HNF1A: variants seen among roughly 807,000 people sequenced by gnomAD.
HNF1A encodes the protein hepatocyte nuclear factor 1-alpha.
Under a neutral mutation model 62.2 loss-of-function variants are expected in HNF1A, and 21 were observed. The observed-to-expected ratio is 0.34, with a 90% confidence interval of 0.24 to 0.49. The LOEUF is 0.49. HNF1A is among the 20% of genes least tolerant of loss of function. HNF1A has a pLI of 0.99. For synonymous variants in HNF1A, 374 were observed against 366.8 expected, an observed-to-expected ratio of 1.02 and a Z score of -0.22; for missense variants, 687 against 832.3, an observed-to-expected ratio of 0.83 and a Z score of 2.15.
Position 120,979,027 on chromosome 12 carries a change from A to C in HNF1A, c.259A>C (p.Lys87Gln). 1 of 1,611,482 alleles carries C rather than the reference A, an allele frequency of 6.2e-7. No homozygotes were observed. The change falls in exon 1 of 10, where the codon AAA becomes CAA. Residue 87 changes from lysine to glutamine, a missense_variant. Coordinates refer to ENST00000257555, the MANE Select transcript of HNF1A (RefSeq NM_000545.8). ...DGEDFTPPIL[K>Q]ELENLSPEEA... is the part of the protein sequence containing the mutation. Reference sequence around the variant, plus strand: ...GGAAGACTTCACGCCACCCATCCTCAAAGAGCTGGAGAACCTCAGCCCTGA... The same window carrying C: ...GGAAGACTTCACGCCACCCATCCTCCAAGAGCTGGAGAACCTCAGCCCTGA...
chr12:120,990,602 GAA>G lies in HNF1A; in HGVS notation c.526+1572_526+1573del, dbSNP rs1392323892. ...AAAAGAAAGAAAGGAAAGATGATAG[GAA>G]AGGGAGGAAAGATAGGAAAGGGAGG... On this transcript the variant is annotated intron_variant, in intron 2 of 9. Transcript: ENST00000257555. Among the ~76,000 whole-genome samples, 7 of 124,650 alleles carry G rather than the reference GAA, an allele frequency of 5.6e-5. No homozygotes were observed. In the South Asian group the frequency reaches 1.1e-3, roughly 20 times the overall value. 81.8% of individuals were successfully genotyped at this position (124,650 alleles called of 152,430 possible).
At chr12:120,995,441 T>C (rs1388853405) in intron 4 of HNF1A, among the ~76,000 whole-genome samples, 9 of 151,928 alleles carry the variant, frequency 5.9e-5, no homozygotes, top group Admixed American at 5.9e-4. Context: ...CTACATACCA[T>C]TTTATTCTAT....
At chr12:120,993,821 T>C in intron 3 of HNF1A, 115 bp downstream of exon 3, 2 of 1,132,388 alleles carry the variant, frequency 1.8e-6, no homozygotes, top group South Asian at 1.5e-5. Flanking sequence ...GAACTCCTGA[T>C]ATTGGCTTAG....
At position 120,997,675 on chromosome 12, in the gene HNF1A, C is replaced by T. The variant is rs1403668650; in HGVS notation, c.1501+10C>T. ...CTGCAGAGCCCCCACGGTGAGCGCC[C>T]TGTGCCCCACACAGCAGGAGATGAT... On this transcript the variant is annotated intron_variant, in intron 7 of 9. Transcript: ENST00000257555. 2 of 1,604,150 alleles carry T rather than the reference C, an allele frequency of 1.2e-6. No individual in the cohort carries two copies.
intron 9 of HNF1A, 191 bp from the exon 10 acceptor site, chr12:121,000,874 C>T (rs910575685): frequency 2.8e-5 from 20 of 701,786 alleles, no homozygotes; most frequent in Non-Finnish European, 1.7e-5. Context: ...ACTCCATGGG[C>T]GGCCGTGGAC....
At chr12:120,997,124 A>G in intron 6 of HNF1A, 1 of 1,400,394 alleles carries the variant, frequency 7.1e-7, no homozygotes, top group Non-Finnish European at 9.3e-7. Context: ...CCAGTACATA[A>G]GATAGATAAG....
At chr12:120,989,122 C>T (rs1455651140) in intron 2 of HNF1A, 90 bp downstream of exon 2, 5 of 1,217,936 alleles carry the variant, frequency 4.1e-6, no homozygotes, top group African/African-American at 1.5e-5. Context: ...TCACCATCCC[C>T]ATTACACAGA....
At chr12:120,994,528 C>T in intron 4 of HNF1A, 123 bp downstream of exon 4, 1 of 1,038,964 alleles carries the variant, frequency 9.6e-7, no homozygotes, top group East Asian at 2.6e-5. Context: ...ATTCATGCCA[C>T]TCCTTATCAC....
rs568123980 is a variant in HNF1A at position 120,979,013 on chromosome 12, C to A, written c.245C>A (p.Thr82Lys). ...ACGGACGACGATGGGGAAGACTTCA[C>A]GCCACCCATCCTCAAAGAGCTGGAG... is the stretch of plus-strand genomic sequence containing the variant. ...DETDDDGEDF[T>K]PPILKELENL... Residue 82 changes from threonine (T) to lysine (K), a missense_variant, in exon 1 of 10, where the codon ACG (threonine) becomes AAG (lysine). This residue lies in a region of HNF1A where 159 missense variants were observed against 154.4 expected (regional missense o/e 1.03). Transcript: ENST00000257555. 1.2e-6 allele frequency: 2 copies of A among 1,610,010 alleles called. No individual in the cohort carries two copies. Among genetic ancestry groups the A allele is most frequent in the East Asian group, 4.5e-5 (2 of 44,768 alleles).
chr12:120,981,800 C>T (rs1876261749), intron 1 of HNF1A, among the ~76,000 whole-genome samples: 1 of 152,204 alleles, frequency 6.6e-6, no homozygotes, highest in South Asian at 2.1e-4. Flanking sequence ...TATCTCCTGC[C>T]ATGAAAATAG....
chr12:121,002,044 G>A lies in HNF1A; in HGVS notation c.*852G>A, dbSNP rs1162488516. On this transcript the variant is annotated 3_prime_UTR_variant, in exon 10 of 10. Coordinates refer to ENST00000257555, the MANE Select transcript of HNF1A (RefSeq NM_000545.8). ...GCCAAGTCCAGGTCCTGGTGGGGCA[G>A]CTCCTCTGTCTCGAGCGCCCTGCAG... 1 of 536,884 alleles carries A rather than the reference G, an allele frequency of 1.9e-6. No individual in the cohort carries two copies. Among genetic ancestry groups the A allele is most frequent in the Non-Finnish European group, 3.6e-6 (1 of 276,744 alleles). The allele number at this position is 536,884 out of a possible 1,614,324, so 33.3% of individuals were successfully genotyped here. A position where few individuals can be genotyped will look rare whatever the true frequency, so the allele number is the denominator to read the frequency against.
intron 1 of HNF1A, among the ~76,000 whole-genome samples, chr12:120,985,838 A>T (rs1162396007): frequency 2.0e-5 from 3 of 151,936 alleles, no homozygotes; most frequent in Admixed American, 2.0e-4. Context: ...TATAAAAATT[A>T]GCTGGGTGTG....
Position 120,996,434 on chromosome 12 carries a change from G to A in HNF1A, c.1107+21G>A, listed in dbSNP as rs753802644. Reference sequence around the variant, plus strand: ...AGCTGGTGAGTGTCCTTGCTTGTAAGGAAAACCCAACCTCATCTTTCCTTG... The same window carrying A: ...AGCTGGTGAGTGTCCTTGCTTGTAAAGAAAACCCAACCTCATCTTTCCTTG... On this transcript the variant is annotated intron_variant, in intron 5 of 9. Coordinates refer to ENST00000257555, the MANE Select transcript of HNF1A (RefSeq NM_000545.8). This position sits in a 1 kb window ranked among gnomAD's most constrained non-coding sequence, Gnocchi z 4.5. 6.2e-6 allele frequency: 10 copies of A among 1,614,022 alleles called. No homozygotes were observed. Among genetic ancestry groups the A allele is most frequent in the East Asian group, 2.2e-5 (1 of 44,898 alleles).
At position 120,979,036 on chromosome 12, in the gene HNF1A, G is replaced by A; in HGVS notation, c.268G>A (p.Glu90Lys). The A allele has an allele frequency of 6.2e-7, 1 of 1,612,028 alleles. No homozygotes were observed. Among genetic ancestry groups the A allele is most frequent in the Non-Finnish European group, 8.5e-7 (1 of 1,179,202 alleles). The change falls in exon 1 of 10, where the codon GAG becomes AAG. Residue 90 changes from glutamate (E) to lysine (K), a missense_variant. Glu to Lys is a moderately conservative substitution (Grantham distance 56, BLOSUM62 1). This residue lies in a region of HNF1A where 159 missense variants were observed against 154.4 expected (regional missense o/e 1.03). Transcript: ENST00000257555. ...DFTPPILKEL[E>K]NLSPEEAAHQ... ...CACGCCACCCATCCTCAAAGAGCTG[G>A]AGAACCTCAGCCCTGAGGAGGCGGC... is the stretch of plus-strand genomic sequence containing the variant.
rs374306837 is a variant in HNF1A, at chr12:120,997,671, C to T, written c.1501+6C>T. 5.3e-5 allele frequency: 86 copies of T among 1,607,686 alleles called. No homozygotes were observed. The African/African-American group carries it at 1.1e-3, about 20-fold the overall frequency. ...TCAGCTGCAGAGCCCCCACGGTGAG[C>T]GCCCTGTGCCCCACACAGCAGGAGA... On this transcript the variant is annotated splice_donor_region_variant and intron_variant, in intron 7 of 9. Transcript: ENST00000257555.
At chr12:120,994,921 A>T (rs917221291) in intron 4 of HNF1A, among the ~76,000 whole-genome samples, 3 of 136,688 alleles carry the variant, frequency 2.2e-5, no homozygotes, top group African/African-American at 8.5e-5. Flanking sequence ...ACTACATTCA[A>T]CTCCACTCCA....
In HNF1A at chr12:120,978,859, G is replaced by C. The variant is rs1457878952; in HGVS notation, c.91G>C (p.Gly31Arg). ...CAAAGAGGCACTGATCCAGGCACTG[G>C]GTGAGCCGGGGCCCTACCTCCTGGC... ...LSKEALIQAL[G>R]EPGPYLLAGE... Residue 31 changes from glycine (G) to arginine (R), a missense_variant, in exon 1 of 10, where the codon GGT becomes CGT. Transcript: ENST00000257555. 2 of 1,613,456 alleles carry C rather than the reference G, an allele frequency of 1.2e-6. No homozygotes were observed. Among genetic ancestry groups the C allele is most frequent in the Non-Finnish European group, 1.7e-6 (2 of 1,179,864 alleles).
rs371088791 is a variant in HNF1A, at chr12:120,997,730, G to C, written c.1501+65G>C. 1,885 of 1,499,552 alleles carry C rather than the reference G, an allele frequency of 1.3e-3. 35 individuals are homozygous for C. The South Asian group carries it at 0.02, about 16-fold the overall frequency. 92.9% of individuals were successfully genotyped at this position (1,499,552 alleles called of 1,614,324 possible). A position where few individuals can be genotyped will look rare whatever the true frequency, so the allele number is the denominator to read the frequency against. On this transcript the variant is annotated intron_variant, in intron 7 of 9. Transcript: ENST00000257555. ...GAGGTTGGCTGTCAATGGATGCAGG[G>C]GAAAGGGGTGCCTGGCAGGCATTGC... is the stretch of plus-strand genomic sequence containing the variant.
chr12:120,982,018 C>T (rs143974940), intron 1 of HNF1A, among the ~76,000 whole-genome samples: 23 of 152,278 alleles, frequency 1.5e-4, no homozygotes, highest in African/African-American at 4.3e-4. Context: ...GGTGTCCTCC[C>T]GGGTCCTTTC....
Sources: allele counts gnomAD v4.1 joint callset (sites outside exome capture counted in the v4.1 genomes callset), GRCh38; gene constraint gnomAD v4.1.1; regional missense constraint gnomAD v4.1.1; non-coding constraint Gnocchi (gnomAD v3.1); transcripts MANE v1.5; gene names NCBI Gene and HGNC (gene_info 2026-07-23, HGNC 2026-07-21).